NR3C2: variants seen among roughly 807,000 people sequenced by gnomAD.
NR3C2 encodes the protein nuclear receptor subfamily 3 group C member 2, also known as mineralocorticoid receptor.
NR3C2 carries 15 observed loss-of-function variants against 86.4 expected under a neutral mutation model. The observed-to-expected ratio is 0.17, with a 90% CI of 0.12 to 0.27. NR3C2 has a LOEUF of 0.27. NR3C2 is among the 10% of genes least tolerant of loss of function. The pLI, the probability that NR3C2 is intolerant of heterozygous loss-of-function variation, is 1.00. For synonymous variants in NR3C2, 458 were observed against 450.5 expected (o/e 1.02, Z -0.21); for missense variants, 960 against 1,195.6 (o/e 0.80, Z 2.91).
At chr4:148,344,290 G>C (rs1744887139) in intron 2 of NR3C2, among the ~76,000 whole-genome samples, 1 of 152,100 alleles carries the variant, frequency 6.6e-6, no homozygotes, top group South Asian at 2.1e-4. Context: ...AACATGATTA[G>C]AAGTATATCT....
chr4:148,325,160 GT>G (rs1277394334), intron 2 of NR3C2, among the ~76,000 whole-genome samples: 2 of 152,064 alleles, frequency 1.3e-5, no homozygotes, highest in Admixed American at 6.5e-5. Context: ...GACAGAGTGT[GT>G]GTGTGTGGTG....
intron 2 of NR3C2, among the ~76,000 whole-genome samples, chr4:148,277,446 G>A (rs1436321605): frequency 6.6e-6 from 1 of 152,104 alleles, no homozygotes; most frequent in East Asian, 1.9e-4. Flanking sequence ...CCCAAGCACA[G>A]TGCTGCATGC....
At position 148,122,416 on chromosome 4, in the gene NR3C2, C is replaced by T. The variant is rs74536639; in HGVS notation, c.2511-2128G>A. Among the ~76,000 whole-genome samples, 797 of 152,268 alleles carry T rather than the reference C, an allele frequency of 5.2e-3. 8 individuals carry two copies. Among genetic ancestry groups the T allele is most frequent in the African/African-American group, 0.016 (658 of 41,554 alleles). On this transcript the variant is annotated intron_variant, in intron 6 of 8. Coordinates refer to ENST00000358102, the MANE Select transcript of NR3C2 (RefSeq NM_000901.5). Reference sequence around the variant, plus strand: ...TGATCCCTTTGTTTCAAACTTCCCACGTAATTATATTTCACACATATTTTC... The same window carrying T: ...TGATCCCTTTGTTTCAAACTTCCCATGTAATTATATTTCACACATATTTTC...
chr4:148,149,517 T>C (rs1470462707), intron 6 of NR3C2, among the ~76,000 whole-genome samples: 4 of 152,146 alleles, frequency 2.6e-5, no homozygotes, highest in Non-Finnish European at 5.9e-5. Context: ...TAAAAAGTAA[T>C]AAGTGACACC....
intron 8 of NR3C2, among the ~76,000 whole-genome samples, chr4:148,085,972 T>G (rs536284901): frequency 2.6e-5 from 4 of 152,104 alleles, no homozygotes; most frequent in Non-Finnish European, 5.9e-5. Context: ...AGTTCTGAAA[T>G]TGGGCAGTAA....
rs1023211058 is a variant in NR3C2, at chr4:148,435,957, T to C, written c.904A>G (p.Asn302Asp). ...TLRSSVSSPANINNSRCSVSS... is the reference protein window; with the variant it reads ...TLRSSVSSPADINNSRCSVSS... Reference sequence around the variant, plus strand: ...ACAGAGCACCTTGAGTTGTTAATATTTGCAGGGCTAGACACAGAGGATCTC... The same window carrying C: ...ACAGAGCACCTTGAGTTGTTAATATCTGCAGGGCTAGACACAGAGGATCTC... Residue 302 changes from asparagine (N) to aspartate (D), a missense_variant, in exon 2 of 9, where the codon AAT becomes GAT. Asn to Asp is a conservative substitution (Grantham distance 23). Transcript: ENST00000358102. The C allele has an allele frequency of 1.2e-6, 2 of 1,614,160 alleles. No individual in the cohort carries two copies. Among genetic ancestry groups the C allele is most frequent in the Non-Finnish European group, 1.7e-6 (2 of 1,180,022 alleles).
intron 2 of NR3C2, among the ~76,000 whole-genome samples, chr4:148,261,462 T>A (rs773949423): frequency 2.0e-5 from 3 of 152,180 alleles, no homozygotes; most frequent in Non-Finnish European, 4.4e-5. Context: ...TATGGTGCAC[T>A]ATGGTAAGCA....
intron 6 of NR3C2, among the ~76,000 whole-genome samples, chr4:148,138,500 C>T (rs1456401339): frequency 1.3e-5 from 2 of 152,144 alleles, no homozygotes; most frequent in Admixed American, 1.3e-4. Flanking sequence ...CCTCCTACCA[C>T]AGCCTCCTGA....
chr4:148,381,143 G>A (rs113716224), intron 2 of NR3C2, among the ~76,000 whole-genome samples: 1 of 151,650 alleles, frequency 6.6e-6, no homozygotes, highest in Non-Finnish European at 1.5e-5. Flanking sequence ...CAGGAGGATC[G>A]CTTGAGCCCA....
At chr4:148,440,220 A>G (rs1750269705) in intron 1 of NR3C2, among the ~76,000 whole-genome samples, 1 of 152,232 alleles carries the variant, frequency 6.6e-6, no homozygotes, top group African/African-American at 2.4e-5. Context: ...TTCAAATAGC[A>G]TTATTGAAAT....
At chr4:148,349,154 T>C (rs576959821) in intron 2 of NR3C2, among the ~76,000 whole-genome samples, 2 of 152,252 alleles carry the variant, frequency 1.3e-5, no homozygotes, top group East Asian at 1.9e-4. Context: ...AAGCAGATCC[T>C]TCCTTACCAT....
chr4:148,347,263 A>G (rs139678177), intron 2 of NR3C2, among the ~76,000 whole-genome samples: 1 of 142,742 alleles, frequency 7.0e-6, no homozygotes, highest in Non-Finnish European at 1.5e-5. Flanking sequence ...ACTGGCATGT[A>G]TTTTAAATCA....
At chr4:148,169,831 A>G (rs183187386) in intron 4 of NR3C2, among the ~76,000 whole-genome samples, 30 of 152,352 alleles carry the variant, frequency 2.0e-4, no homozygotes, top group Non-Finnish European at 3.2e-4. Flanking sequence ...TACACATGGC[A>G]GAGTATCTAC....
chr4:148,324,285 G>A (rs143513585), intron 2 of NR3C2, among the ~76,000 whole-genome samples: 4 of 151,604 alleles, frequency 2.6e-5, no homozygotes, highest in Admixed American at 6.6e-5. Context: ...CCATGTTGTC[G>A]CAAATGGCAG....
At chr4:148,229,155 G>T (rs1738334298) in intron 3 of NR3C2, among the ~76,000 whole-genome samples, 1 of 152,152 alleles carries the variant, frequency 6.6e-6, no homozygotes, top group Non-Finnish European at 1.5e-5. Flanking sequence ...ACCTGCACAG[G>T]ATCTCACCCA....
chr4:148,246,116 AC>A (rs1739302870), intron 3 of NR3C2, among the ~76,000 whole-genome samples: 2 of 151,856 alleles, frequency 1.3e-5, no homozygotes, highest in South Asian at 2.1e-4. Context: ...AACAACAACA[AC>A]AACAAAACAG....
intron 2 of NR3C2, among the ~76,000 whole-genome samples, chr4:148,402,528 G>T (rs1197113954): frequency 1.3e-5 from 2 of 152,190 alleles, no homozygotes; most frequent in African/African-American, 4.8e-5. Flanking sequence ...CTGGTATAGA[G>T]ACTGATGAAG....
chr4:148,147,478 A>G (rs1733922952), intron 6 of NR3C2, among the ~76,000 whole-genome samples: 11 of 152,260 alleles, frequency 7.2e-5, no homozygotes, highest in Admixed American at 7.2e-4. Context: ...TCATTTATTC[A>G]GCACATATTT....
intron 3 of NR3C2, among the ~76,000 whole-genome samples, chr4:148,249,291 GCTTCCCC>G (rs1159550751): frequency 6.6e-6 from 1 of 151,522 alleles, no homozygotes; most frequent in Non-Finnish European, 1.5e-5. Flanking sequence ...GGAGGTATTT[GCTTCCCC>G]CCGACCAAAA....
Sources: allele counts gnomAD v4.1 joint callset (sites outside exome capture counted in the v4.1 genomes callset), GRCh38; gene constraint gnomAD v4.1.1; transcripts MANE v1.5; gene names NCBI Gene and HGNC (gene_info 2026-07-23, HGNC 2026-07-21).